Variants in CADPS observed in about 807,000 individuals in gnomAD.
CADPS encodes the protein calcium-dependent secretion activator 1.
A neutral mutation model predicts 167.3 loss-of-function variants in CADPS; 57 were observed. The observed-to-expected ratio is 0.34, with a 90% CI of 0.28 to 0.42. The LOEUF (loss-of-function observed/expected upper bound fraction) is 0.42, where lower values mean the gene tolerates loss of function less well. Ranked by LOEUF, CADPS falls within the 20% of genes least tolerant of loss-of-function variation. CADPS has a pLI of 1.00. For synonymous variants in CADPS, 676 were observed against 635.3 expected, an observed-to-expected ratio of 1.06 and a Z score of -0.96; for missense variants, 1,414 against 1,738.1, an observed-to-expected ratio of 0.81 and a Z score of 3.32.
chr3:62,756,528 G>A (rs1000445912), intron 2 of CADPS, among the ~76,000 whole-genome samples: 4 of 152,116 alleles, frequency 2.6e-5, no homozygotes, highest in South Asian at 2.1e-4. Flanking sequence ...GGAATACAAC[G>A]GTGAGGAAGA....
At chr3:62,540,758 C>T (rs1218666360) in intron 11 of CADPS, among the ~76,000 whole-genome samples, 1 of 152,126 alleles carries the variant, frequency 6.6e-6, no homozygotes, top group Non-Finnish European at 1.5e-5. Context: ...CCAAGCAACA[C>T]CATACAGTCA....
chr3:62,755,753 T>A (rs1209905231), intron 2 of CADPS, among the ~76,000 whole-genome samples: 1 of 152,176 alleles, frequency 6.6e-6, no homozygotes, highest in African/African-American at 2.4e-5. Context: ...TAGAGTTAAT[T>A]TGAAAATTAA....
In CADPS at chr3:62,546,144, CA is replaced by C. The variant is rs559244156; in HGVS notation, c.1966+3758del. Among the ~76,000 whole-genome samples, 247 of 146,492 alleles carry C rather than the reference CA, an allele frequency of 1.7e-3. 1 individual carries two copies. The highest frequency in any genetic ancestry group is 0.011 in the South Asian group (52 of 4,568). ...AATACTTGATTTTTTTTTTTTTTTA[CA>C]TTTTTTGTTAGCTAGAGAATCTGTG... On this transcript the variant is annotated intron_variant, in intron 11 of 29. Transcript: ENST00000383710.
Position 62,557,415 on chromosome 3 carries a change from G to A in CADPS, c.1743C>T (p.Asp581=), listed in dbSNP as rs751971326. The part of the protein sequence containing the change: ...QLDGYTVDYT[D]PQPGLEGGRA... The stretch of plus-strand genomic sequence containing the variant: ...AGGGTCGGTGGGTACCTGGCTGGGG[G>A]TCGGTGTAATCCACAGTGTAGCCAT... The change falls in exon 10 of 30, where the codon GAC becomes GAT. Residue 581 remains aspartate (D), a synonymous_variant. Transcript: ENST00000383710. 1.2e-6 allele frequency: 2 copies of A among 1,613,128 alleles called. No homozygotes were observed. Among genetic ancestry groups the A allele is most frequent in the Non-Finnish European group, 1.7e-6 (2 of 1,179,128 alleles).
At chr3:62,595,663 T>C (rs1241536575) in intron 6 of CADPS, among the ~76,000 whole-genome samples, 1 of 152,194 alleles carries the variant, frequency 6.6e-6, no homozygotes, top group Non-Finnish European at 1.5e-5. Flanking sequence ...TTAGATGACA[T>C]GTAATAATTG....
rs919431902 is a variant in CADPS at position 62,514,422 on chromosome 3, G to A, written c.2581+1637C>T. Among the ~76,000 whole-genome samples, 2 of 152,048 alleles carry A rather than the reference G, an allele frequency of 1.3e-5. No homozygotes were observed. The highest frequency in any genetic ancestry group is 2.9e-5 in the Non-Finnish European group (2 of 67,986). On this transcript the variant is annotated intron_variant, in intron 16 of 29. Coordinates refer to ENST00000383710, the MANE Select transcript of CADPS (RefSeq NM_003716.4). The surrounding 1 kb of genome is among the most constrained non-coding windows in gnomAD (Gnocchi z 4.2). ...CGGACAAGGAAGGAGAGAAGCGGAA[G>A]AGAGCAGGTAGTGTGGAATGAGGTA...
intron 1 of CADPS, among the ~76,000 whole-genome samples, chr3:62,781,807 A>G (rs2091692646): frequency 6.6e-6 from 1 of 152,028 alleles, no homozygotes; most frequent in African/African-American, 2.4e-5. Flanking sequence ...CACCTCAAAG[A>G]CCACCTTTGG....
chr3:62,572,233 C>T (rs1005446382), intron 8 of CADPS, among the ~76,000 whole-genome samples: 1 of 152,118 alleles, frequency 6.6e-6, no homozygotes, highest in Non-Finnish European at 1.5e-5. Flanking sequence ...AGCCAGAAAC[C>T]CAGGAGTCAT....
At chr3:62,816,189 C>G (rs2094602243) in intron 1 of CADPS, among the ~76,000 whole-genome samples, 1 of 152,056 alleles carries the variant, frequency 6.6e-6, no homozygotes, top group South Asian at 2.1e-4. Flanking sequence ...GTTATGCATA[C>G]CAAAGCCTAT....
chr3:62,578,212 A>G (rs932060306), intron 8 of CADPS, among the ~76,000 whole-genome samples: 4 of 148,944 alleles, frequency 2.7e-5, no homozygotes, highest in African/African-American at 9.8e-5. Flanking sequence ...TTTACAAAAA[A>G]GGCTGGAGGG....
chr3:62,810,970 C>T (rs1190496046), intron 1 of CADPS, among the ~76,000 whole-genome samples: 1 of 152,206 alleles, frequency 6.6e-6, no homozygotes, highest in East Asian at 1.9e-4. Context: ...GGAACTGGTA[C>T]TGGTGGTGGG....
chr3:62,655,809 A>T (rs1374894489), intron 4 of CADPS, among the ~76,000 whole-genome samples: 1 of 152,108 alleles, frequency 6.6e-6, no homozygotes, highest in Admixed American at 6.6e-5. Flanking sequence ...TCTCTCAGAC[A>T]CTTCCTGGGC....
At chr3:62,633,022 T>C (rs1426998014) in intron 6 of CADPS, among the ~76,000 whole-genome samples, 2 of 152,004 alleles carry the variant, frequency 1.3e-5, no homozygotes, top group African/African-American at 2.4e-5. Flanking sequence ...ACGCTAGCAC[T>C]ACAACTTACA....
At chr3:62,860,937 G>T (rs1293968747) in intron 1 of CADPS, among the ~76,000 whole-genome samples, 1 of 152,090 alleles carries the variant, frequency 6.6e-6, no homozygotes, top group East Asian at 1.9e-4. Context: ...TTGGTTTGGG[G>T]GATGAAATCA....
chr3:62,694,466 T>C (rs2079882218), intron 3 of CADPS, among the ~76,000 whole-genome samples: 1 of 152,038 alleles, frequency 6.6e-6, no homozygotes, highest in Non-Finnish European at 1.5e-5. Flanking sequence ...GAGTCCTTAA[T>C]ATGGCACCAT....
intron 24 of CADPS, chr3:62,467,327 A>T: frequency 7.9e-7 from 1 of 1,258,294 alleles, no homozygotes; most frequent in Non-Finnish European, 1.0e-6. Flanking sequence ...CAGAAGGATG[A>T]TTAATTAGGA....
chr3:62,662,468 A>G, intron 3 of CADPS, 74 bp from the exon 4 acceptor site: 1 of 1,251,766 alleles, frequency 8.0e-7, no homozygotes. Flanking sequence ...ATTCCATTTT[A>G]TACCCCCTTG....
At chr3:62,495,061 A>G (rs1370498777) in intron 18 of CADPS, among the ~76,000 whole-genome samples, 6 of 152,184 alleles carry the variant, frequency 3.9e-5, no homozygotes, top group African/African-American at 1.2e-4. Context: ...GTAATTTAAT[A>G]TATTATTGAG....
Position 62,800,107 on chromosome 3 carries a change from C to T in CADPS, c.442-34123G>A, listed in dbSNP as rs143926556. Among the ~76,000 whole-genome samples, 43 of 152,240 alleles carry T rather than the reference C, an allele frequency of 2.8e-4. No homozygotes were observed. In the East Asian group the frequency reaches 7.9e-3, roughly 28 times the overall value. On this transcript the variant is annotated intron_variant, in intron 1 of 29. Coordinates refer to ENST00000383710, the MANE Select transcript of CADPS (RefSeq NM_003716.4). ...TCTGCCTGGGCTCCTCCAAATTACC[C>T]CCCAGGACTTGGGGAACAGGGGAAA...
Sources: allele counts gnomAD v4.1 joint callset (sites outside exome capture counted in the v4.1 genomes callset), GRCh38; gene constraint gnomAD v4.1.1; non-coding constraint Gnocchi (gnomAD v3.1); transcripts MANE v1.5; gene names NCBI Gene and HGNC (gene_info 2026-07-23, HGNC 2026-07-21).